PDSS2: variants seen among roughly 807,000 people sequenced by gnomAD.
PDSS2 encodes the protein all trans-polyprenyl-diphosphate synthase PDSS2.
PDSS2 carries 31 observed loss-of-function variants against 44.5 expected under a neutral mutation model. The observed-to-expected ratio is 0.70, with a 90% CI of 0.52 to 0.94. The LOEUF (loss-of-function observed/expected upper bound fraction) is 0.94. Among genes scored for constraint, PDSS2 ranks in the 40% least tolerant of loss-of-function variants. PDSS2 has a pLI of 0.00. For missense variants in PDSS2, 452 were observed against 482.2 expected, an observed-to-expected ratio of 0.94 and a Z score of 0.59; for synonymous variants, 157 against 180.3, an observed-to-expected ratio of 0.87 and a Z score of 1.03.
At chr6:107,297,447 A>C (rs1353473403) in intron 2 of PDSS2, among the ~76,000 whole-genome samples, 1 of 150,166 alleles carries the variant, frequency 6.7e-6, no homozygotes, top group African/African-American at 2.5e-5. Context: ...CAGTGGTGCG[A>C]TCTCGGCTCC....
chr6:107,268,961 C>A lies in PDSS2; in HGVS notation c.630+5068G>T, dbSNP rs957554403. ...AATAGTATTTTTTTTTTTTTCCATA[C>A]GGAGTTTCGCTCTTGTTGCCCAGGC... On this transcript the variant is annotated intron_variant, in intron 3 of 7. Coordinates refer to ENST00000369037, the MANE Select transcript of PDSS2 (RefSeq NM_020381.4). Among the ~76,000 whole-genome samples, 5 of 148,142 alleles carry A rather than the reference C, an allele frequency of 3.4e-5. No individual in the cohort carries two copies. In the Admixed American group the frequency reaches 3.4e-4, roughly 10 times the overall value.
chr6:107,402,145 T>C (rs1479333515), intron 1 of PDSS2, among the ~76,000 whole-genome samples: 3 of 151,570 alleles, frequency 2.0e-5, no homozygotes, highest in African/African-American at 7.3e-5. Context: ...CCAGCTGTGG[T>C]GGTGGGTGCC....
At chr6:107,198,835 A>ACAACAC in intron 6 of PDSS2, among the ~76,000 whole-genome samples, 1 of 149,000 alleles carries the variant, frequency 6.7e-6, no homozygotes, top group East Asian at 2.0e-4. Flanking sequence ...AACAACAACA[A>ACAACAC]CACAGCAAAA....
intron 2 of PDSS2, among the ~76,000 whole-genome samples, chr6:107,315,604 G>T (rs1408002569): frequency 6.6e-6 from 1 of 152,064 alleles, no homozygotes; most frequent in Middle Eastern, 3.2e-3. Flanking sequence ...AAAGAAAAAA[G>T]AAAGAAAGAA....
intron 2 of PDSS2, among the ~76,000 whole-genome samples, chr6:107,287,650 T>C (rs1321497188): frequency 6.6e-6 from 1 of 152,086 alleles, no homozygotes; most frequent in Non-Finnish European, 1.5e-5. Context: ...GCCTCCCAAG[T>C]AGCTGGGATT....
chr6:107,204,162 C>T (rs184173451), intron 6 of PDSS2, among the ~76,000 whole-genome samples: 4 of 152,098 alleles, frequency 2.6e-5, no homozygotes, highest in African/African-American at 4.8e-5. Context: ...AGGATGGTCT[C>T]GATCTCCTGA....
chr6:107,380,013 C>T (rs1057452172), intron 1 of PDSS2, among the ~76,000 whole-genome samples: 1 of 151,286 alleles, frequency 6.6e-6, no homozygotes, highest in Non-Finnish European at 1.5e-5. Flanking sequence ...TTCTTCTGTA[C>T]TAGTGATTTT....
intron 4 of PDSS2, among the ~76,000 whole-genome samples, chr6:107,236,939 T>G (rs372395153): frequency 9.2e-5 from 14 of 151,992 alleles, no homozygotes; most frequent in African/African-American, 3.1e-4. Flanking sequence ...TGGACTGAAT[T>G]ATCTTTTTTT....
intron 7 of PDSS2, among the ~76,000 whole-genome samples, chr6:107,167,111 C>G (rs1424863142): frequency 4.0e-5 from 6 of 151,824 alleles, no homozygotes; most frequent in Admixed American, 1.3e-4. Context: ...TGGTCCTGGA[C>G]TTTTTTTTGG....
intron 1 of PDSS2, among the ~76,000 whole-genome samples, chr6:107,438,459 C>A (rs1230133514): frequency 6.6e-6 from 1 of 152,146 alleles, no homozygotes; most frequent in Non-Finnish European, 1.5e-5. Context: ...AAGCAATCTA[C>A]GCGCCTCGGC....
At chr6:107,340,166 C>A (rs1778037847) in intron 1 of PDSS2, among the ~76,000 whole-genome samples, 1 of 151,914 alleles carries the variant, frequency 6.6e-6, no homozygotes, top group Non-Finnish European at 1.5e-5. Flanking sequence ...CTAATATAGG[C>A]ATATCACTAA....
intron 1 of PDSS2, among the ~76,000 whole-genome samples, chr6:107,403,757 A>G (rs867038364): frequency 6.6e-6 from 1 of 152,156 alleles, no homozygotes; most frequent in Non-Finnish European, 1.5e-5. Context: ...GATGCAGGGC[A>G]CCATTTCCAC....
At chr6:107,367,123 C>A (rs1448962164) in intron 1 of PDSS2, among the ~76,000 whole-genome samples, 1 of 152,072 alleles carries the variant, frequency 6.6e-6, no homozygotes, top group African/African-American at 2.4e-5. Flanking sequence ...TAAAAAGAGG[C>A]TCATATACCA....
At chr6:107,294,966 G>C (rs1233934983) in intron 2 of PDSS2, among the ~76,000 whole-genome samples, 2 of 152,092 alleles carry the variant, frequency 1.3e-5, no homozygotes, top group Non-Finnish European at 2.9e-5. Flanking sequence ...GTCTCGCTTG[G>C]TCACCCAGGC....
At chr6:107,353,983 GGT>G (rs2115346439) in intron 1 of PDSS2, among the ~76,000 whole-genome samples, 1 of 152,234 alleles carries the variant, frequency 6.6e-6, no homozygotes, top group South Asian at 2.1e-4. Flanking sequence ...GGTAAAGAGT[GGT>G]CATGTTTGTT....
At chr6:107,297,295 T>TATACATATCCTAAG (rs1385598421) in intron 2 of PDSS2, among the ~76,000 whole-genome samples, 3 of 152,064 alleles carry the variant, frequency 2.0e-5, no homozygotes, top group Non-Finnish European at 2.9e-5. Flanking sequence ...GCTCTTAGGG[T>TATACATATCCTAAG]ACATATACAA....
chr6:107,307,255 C>T (rs149067819), intron 2 of PDSS2, among the ~76,000 whole-genome samples: 4 of 152,160 alleles, frequency 2.6e-5, no homozygotes, highest in Non-Finnish European at 5.9e-5. Context: ...AACACAATCA[C>T]AATCCTTCTC....
intron 1 of PDSS2, among the ~76,000 whole-genome samples, chr6:107,376,200 C>T (rs1020958682): frequency 2.0e-5 from 3 of 152,062 alleles, no homozygotes; most frequent in Admixed American, 6.5e-5. Context: ...TAGTGTGATG[C>T]CTCCAGCTTT....
chr6:107,354,236 A>C (rs1045356084), intron 1 of PDSS2, among the ~76,000 whole-genome samples: 10 of 152,256 alleles, frequency 6.6e-5, no homozygotes, highest in African/African-American at 2.4e-4. Context: ...CATGCAGGGC[A>C]TATAACCACA....
Sources: allele counts gnomAD v4.1 joint callset (sites outside exome capture counted in the v4.1 genomes callset), GRCh38; gene constraint gnomAD v4.1.1; transcripts MANE v1.5; gene names NCBI Gene and HGNC (gene_info 2026-07-23, HGNC 2026-07-21).